The following ANKRD36B variants were observed in gnomAD, a reference collection of about 807,000 sequenced individuals.
ANKRD36B encodes the protein ankyrin repeat domain-containing protein 36B.
ANKRD36B carries 37 observed loss-of-function variants against 135.7 expected under a neutral mutation model. The observed-to-expected ratio is 0.27, with a 90% CI of 0.21 to 0.36. The LOEUF is 0.36. Among genes scored for constraint, ANKRD36B ranks in the 10% least tolerant of loss-of-function variants. The pLI, the probability that ANKRD36B is intolerant of heterozygous loss-of-function variation, is 1.00. For missense variants in ANKRD36B, 549 were observed against 1,037.1 expected (o/e 0.53, Z 6.46); for synonymous variants, 179 against 348.1 (o/e 0.51, Z 5.41).
chr2:97,551,112 C>A (rs138676266), intron 18 of ANKRD36B, among the ~76,000 whole-genome samples, 177 bp downstream of exon 18: 1 of 151,910 alleles, frequency 6.6e-6, no homozygotes, highest in South Asian at 2.1e-4. Context: ...ATCTTACAGC[C>A]AAGATCATAT....
At chr2:97,496,709 C>A (rs1458914753) in intron 43 of ANKRD36B, among the ~76,000 whole-genome samples, 1 of 72,488 alleles carries the variant, frequency 1.4e-5, no homozygotes, top group Admixed American at 1.1e-4. Context: ...GAAAACACAT[C>A]GTTTACAGTA....
chr2:97,547,696 T>G lies in ANKRD36B; in HGVS notation c.1506+7A>C. On this transcript the variant is annotated splice_region_variant and intron_variant, in intron 21 of 43. Coordinates refer to ENST00000359901, the MANE Select transcript of ANKRD36B (RefSeq NM_001393939.1). ...CTAGTTCACAATATAAATGACAGTT[T>G]CATTACCTTCAAGCCTGGTGGTTGC... 2 of 1,559,694 alleles carry G rather than the reference T, an allele frequency of 1.3e-6. No individual in the cohort carries two copies. Among genetic ancestry groups the G allele is most frequent in the Non-Finnish European group, 1.7e-6 (2 of 1,149,498 alleles).
chr2:97,508,654 A>C lies in ANKRD36B; in HGVS notation c.3874-589T>G, dbSNP rs2077416114. Among the ~76,000 whole-genome samples the C allele has an allele frequency of 1.1e-4, 11 of 102,894 alleles. 1 individual carries two copies. The South Asian group carries it at 2.5e-3, about 24-fold the overall frequency. The allele number at this position is 102,894 out of a possible 152,430, so 67.5% of individuals were successfully genotyped here. A position where few individuals can be genotyped will look rare whatever the true frequency, so the allele number is the denominator to read the frequency against. Reference sequence around the variant, plus strand: ...ATCATCTTTCCTTTCTAGGGAAACAACAAGAAAATTTAAAAACAAGCAGGA... The same window carrying C: ...ATCATCTTTCCTTTCTAGGGAAACACCAAGAAAATTTAAAAACAAGCAGGA... On this transcript the variant is annotated intron_variant, in intron 40 of 43. Transcript: ENST00000359901.
intron 6 of ANKRD36B, among the ~76,000 whole-genome samples, chr2:97,573,910 T>C (rs1428247905): frequency 2.6e-5 from 4 of 152,202 alleles, no homozygotes; most frequent in Admixed American, 2.0e-4. Context: ...AAGACTTACA[T>C]GTTAGACCTA....
intron 43 of ANKRD36B, among the ~76,000 whole-genome samples, chr2:97,506,635 G>A (rs539127552): frequency 1.1e-5 from 1 of 90,432 alleles, no homozygotes; most frequent in African/African-American, 2.6e-5. Context: ...ACCTGTAATT[G>A]CTTAACTAAT....
intron 16 of ANKRD36B, among the ~76,000 whole-genome samples, chr2:97,552,116 T>C (rs1281778152): frequency 1.3e-5 from 2 of 151,958 alleles, no homozygotes; most frequent in East Asian, 3.9e-4. Context: ...TTTATCCCTC[T>C]GAAAATTTCT....
In ANKRD36B at chr2:97,533,402, A is replaced by C. The variant is rs1184883652; in HGVS notation, c.2192-1018T>G. On this transcript the variant is annotated intron_variant, in intron 34 of 43. Transcript: ENST00000359901. Reference sequence around the variant, plus strand: ...ATAAAGAATAGCAAATCATGATCCTAAGACAGTAAGTGTCAAAGCTGATGG... The same window carrying C: ...ATAAAGAATAGCAAATCATGATCCTCAGACAGTAAGTGTCAAAGCTGATGG... Among the ~76,000 whole-genome samples, 2 of 97,052 alleles carry C rather than the reference A, an allele frequency of 2.1e-5. 1 individual carries two copies. The highest frequency in any genetic ancestry group is 5.5e-5 in the Non-Finnish European group (2 of 36,496). 63.7% of individuals were successfully genotyped at this position (97,052 alleles called of 152,430 possible).
intron 14 of ANKRD36B, among the ~76,000 whole-genome samples, chr2:97,553,849 T>G (rs2080266105): frequency 6.6e-6 from 1 of 151,994 alleles, no homozygotes; most frequent in Admixed American, 6.6e-5. Flanking sequence ...GACACTTCAG[T>G]TGAATGTACA....
intron 20 of ANKRD36B, 74 bp downstream of exon 20, chr2:97,549,345 G>A (rs1374509815): frequency 3.4e-5 from 50 of 1,474,020 alleles, no homozygotes; most frequent in Admixed American, 1.5e-4. Flanking sequence ...CGAGCCCCCC[G>A]CTGATTTATT....
chr2:97,545,080 C>T lies in ANKRD36B; in HGVS notation c.1681+586G>A, dbSNP rs193167033. Reference sequence around the variant, plus strand: ...TGCTTCCAGTAGTGCCTGGAGCTGCCAAAATCAAGTCTTCTTTTATGCAAA... The same window carrying T: ...TGCTTCCAGTAGTGCCTGGAGCTGCTAAAATCAAGTCTTCTTTTATGCAAA... On this transcript the variant is annotated intron_variant, in intron 24 of 43. Transcript: ENST00000359901. 3.1e-5 allele frequency among the ~76,000 whole-genome samples: 3 copies of T among 95,668 alleles called. 1 individual carries two copies. The highest frequency in any genetic ancestry group is 9.3e-5 in the African/African-American group (3 of 32,244). 62.8% of individuals were successfully genotyped at this position (95,668 alleles called of 152,430 possible).
intron 20 of ANKRD36B, among the ~76,000 whole-genome samples, chr2:97,548,268 C>G (rs552209683): frequency 2.6e-4 from 40 of 151,900 alleles, no homozygotes; most frequent in Admixed American, 2.5e-3. Flanking sequence ...ACCTTGGACA[C>G]CTGTTTGCTG....
intron 28 of ANKRD36B, among the ~76,000 whole-genome samples, chr2:97,541,533 G>T (rs1407615663): frequency 1.0e-5 from 1 of 95,868 alleles, no homozygotes; most frequent in African/African-American, 3.1e-5. Flanking sequence ...TTAGGATGAC[G>T]TTTCCCTCTG....
intron 14 of ANKRD36B, among the ~76,000 whole-genome samples, chr2:97,554,362 C>T (rs553730400): frequency 3.3e-5 from 5 of 152,002 alleles, no homozygotes; most frequent in Middle Eastern, 3.4e-3. Context: ...TAACAAAAAT[C>T]AACAAAAGAT....
chr2:97,579,684 A>G (rs919587570), intron 4 of ANKRD36B, among the ~76,000 whole-genome samples: 6 of 143,070 alleles, frequency 4.2e-5, no homozygotes, highest in African/African-American at 1.5e-4. Context: ...TATTGTATAT[A>G]TTATATATTA....
At chr2:97,585,450 C>T (rs2082912870) in intron 1 of ANKRD36B, 52 bp from the exon 2 acceptor site, 2 of 1,519,856 alleles carry the variant, frequency 1.3e-6, no homozygotes, top group Non-Finnish European at 1.8e-6. Context: ...CATTAATTAG[C>T]ATGTTATTTC....
chr2:97,532,724 CAA>C (rs565689864), intron 34 of ANKRD36B, among the ~76,000 whole-genome samples: 19,617 of 37,906 alleles, frequency 0.52, 7,238 homozygotes, highest in African/African-American at 0.78. Context: ...GACTGTGTCT[CAA>C]AAAAAAAAAA....
At chr2:97,553,021 T>G (rs919336306) in intron 16 of ANKRD36B, 147 bp downstream of exon 16, 38 of 952,564 alleles carry the variant, frequency 4.0e-5, no homozygotes, top group Middle Eastern at 3.2e-4. Context: ...CCCAATAATT[T>G]ATTACAAATG....
At chr2:97,565,889 G>GTATATA (rs70938522) in intron 6 of ANKRD36B, among the ~76,000 whole-genome samples, 4 of 146,182 alleles carry the variant, frequency 2.7e-5, no homozygotes, top group Non-Finnish European at 6.0e-5. Context: ...GTGTGTGTGT[G>GTATATA]TATATATATA....
chr2:97,588,132 G>A (rs1327150288), intron 1 of ANKRD36B, among the ~76,000 whole-genome samples: 1 of 151,242 alleles, frequency 6.6e-6, no homozygotes, highest in Non-Finnish European at 1.5e-5. Context: ...AGGCATTTGT[G>A]TTTTTTTCTG....
Sources: gnomAD v4.1 joint callset for allele counts (sites outside exome capture counted in the v4.1 genomes callset) on GRCh38, gnomAD v4.1.1 for gene constraint, MANE v1.5 for transcripts, NCBI Gene and HGNC (gene_info 2026-07-23, HGNC 2026-07-21) for gene names.